The following LZTFL1 variants were observed in gnomAD, a reference collection of about 807,000 sequenced individuals.
LZTFL1 encodes leucine zipper transcription factor-like protein 1.
In LZTFL1, 25 loss-of-function variants were observed where a neutral mutation model predicts 45.9. The observed-to-expected ratio is 0.54, with a 90% CI of 0.40 to 0.76. The LOEUF (loss-of-function observed/expected upper bound fraction) is 0.76, where lower values mean the gene tolerates loss of function less well. Among genes scored for constraint, LZTFL1 ranks in the 30% least tolerant of loss-of-function variants. The probability of loss-of-function intolerance (pLI) is 0.00; values close to 1 mark genes in which losing one functional copy is unlikely to be tolerated. For missense variants in LZTFL1, 277 were observed against 331.1 expected, an observed-to-expected ratio of 0.84 and a Z score of 1.27; for synonymous variants, 93 against 117.4, an observed-to-expected ratio of 0.79 and a Z score of 1.35.
At chr3:45,897,055 C>T (rs921962471) in intron 2 of LZTFL1, among the ~76,000 whole-genome samples, 3 of 152,204 alleles carry the variant, frequency 2.0e-5, no homozygotes, top group Non-Finnish European at 4.4e-5. Context: ...GGGAAGAGGA[C>T]GTGCCTGTGT....
intron 2 of LZTFL1, among the ~76,000 whole-genome samples, chr3:45,877,063 G>A (rs1335537433): frequency 1.3e-5 from 2 of 152,008 alleles, no homozygotes; most frequent in Admixed American, 6.5e-5. Context: ...CATATCAGAG[G>A]AAGAGAAAAG....
upstream of LZTFL1, chr3:45,842,290 G>T: frequency 2.5e-6 from 2 of 786,014 alleles, no homozygotes; most frequent in Non-Finnish European, 1.9e-6. Flanking sequence ...GCTGACTGCA[G>T]TTGCAGAAGG....
At chr3:45,903,833 C>A (rs1444597427) in intron 2 of LZTFL1, among the ~76,000 whole-genome samples, 1 of 152,212 alleles carries the variant, frequency 6.6e-6, no homozygotes, top group Non-Finnish European at 1.5e-5. Context: ...ATAACTTCTC[C>A]AAGGTCACTT....
intron 2 of LZTFL1, among the ~76,000 whole-genome samples, chr3:45,891,174 A>G (rs1702168776): frequency 6.6e-6 from 1 of 152,232 alleles, no homozygotes; most frequent in Admixed American, 6.5e-5. Context: ...AAATTCGGTG[A>G]ATGCCCAGGT....
chr3:45,889,128 G>C lies in LZTFL1; in HGVS notation c.-215+23992C>G, dbSNP rs115527416. Among the ~76,000 whole-genome samples, 817 of 152,278 alleles carry C rather than the reference G, an allele frequency of 5.4e-3. 8 individuals are homozygous for C. Among genetic ancestry groups the C allele is most frequent in the African/African-American group, 0.018 (760 of 41,552 alleles). On this transcript the variant is annotated intron_variant, in intron 2 of 4. Transcript: ENST00000472635. ...AGCCAGCTGAGTAGCTGGGACTACA[G>C]GGTAGGCAACCATGCCTGGCATATT...
chr3:45,895,338 C>T (rs1279865782), intron 2 of LZTFL1, among the ~76,000 whole-genome samples: 1 of 152,204 alleles, frequency 6.6e-6, no homozygotes, highest in East Asian at 1.9e-4. Context: ...AGTTGTATTT[C>T]TTGCATAACA....
intron 4 of LZTFL1, among the ~76,000 whole-genome samples, chr3:45,851,655 C>T (rs1427931165): frequency 6.6e-6 from 1 of 151,974 alleles, no homozygotes; most frequent in Non-Finnish European, 1.5e-5. Flanking sequence ...CTCACCAGAC[C>T]ACTCAATTTT....
At chr3:45,905,931 C>T (rs1279894178) in intron 2 of LZTFL1, among the ~76,000 whole-genome samples, 12 of 152,200 alleles carry the variant, frequency 7.9e-5, no homozygotes, top group Non-Finnish European at 1.8e-4. Flanking sequence ...CTGGTCGACT[C>T]TCCAAAGCCA....
intron 4 of LZTFL1, 67 bp from the exon 5 acceptor site, chr3:45,833,188 T>C (rs1575255343): frequency 2.8e-6 from 3 of 1,084,766 alleles, no homozygotes; most frequent in South Asian, 1.3e-5. Flanking sequence ...CATTGAACAC[T>C]TGCACTTTGC....
upstream of LZTFL1, among the ~76,000 whole-genome samples, chr3:45,844,713 A>G (rs1229662521): frequency 6.6e-6 from 1 of 152,198 alleles, no homozygotes; most frequent in African/African-American, 2.4e-5. Flanking sequence ...AGAAGGGCCC[A>G]GATTACAGGG....
intron 4 of LZTFL1, among the ~76,000 whole-genome samples, chr3:45,847,777 C>G (rs1701240335): frequency 6.6e-6 from 1 of 152,232 alleles, no homozygotes; most frequent in Non-Finnish European, 1.5e-5. Flanking sequence ...TGCATTTGCA[C>G]AAAACATTGG....
intron 2 of LZTFL1, among the ~76,000 whole-genome samples, chr3:45,867,044 C>T (rs998051375): frequency 3.4e-5 from 5 of 145,490 alleles, no homozygotes; most frequent in East Asian, 2.1e-4. Context: ...GCTACTTAGG[C>T]GGCTGAGGCA....
upstream of LZTFL1, among the ~76,000 whole-genome samples, chr3:45,842,578 C>G (rs1467317916): frequency 6.6e-6 from 1 of 152,120 alleles, no homozygotes; most frequent in African/African-American, 2.4e-5. Context: ...TCAAACGACC[C>G]CTCCCCATGA....
Position 45,835,688 on chromosome 3 carries a change from G to A in LZTFL1, c.225C>T (p.Asn75=). Residue 75 remains asparagine, a synonymous_variant, in exon 3 of 10, where the codon AAC becomes AAT. Transcript: ENST00000296135. ...VHSEVESELI[N]TAYTNVLLLR... Reference sequence around the variant, plus strand: ...GAAGTAACACATTGGTATAGGCAGTGTTGATGAGCTCAGATTCCACCTCAC... The same window carrying A: ...GAAGTAACACATTGGTATAGGCAGTATTGATGAGCTCAGATTCCACCTCAC... 4 of 1,614,128 alleles carry A rather than the reference G, an allele frequency of 2.5e-6. No homozygotes were observed. The highest frequency in any genetic ancestry group is 3.4e-6 in the Non-Finnish European group (4 of 1,179,970).
chr3:45,901,315 C>T lies in LZTFL1; in HGVS notation c.-215+11805G>A. 6.2e-7 allele frequency: 1 copy of T among 1,614,170 alleles called. No individual in the cohort carries two copies. Among genetic ancestry groups the T allele is most frequent in the East Asian group, 2.2e-5 (1 of 44,878 alleles). On this transcript the variant is annotated intron_variant, in intron 2 of 4. Coordinates refer to the LZTFL1 transcript ENST00000472635. The surrounding 1 kb of genome is among the most constrained non-coding windows in gnomAD (Gnocchi z 4.3). ...GTTTGCTTTACCATCTGGGTATTGG[C>T]AGCTGCTCTCTGCATCCCAGAAATC...
intron 2 of LZTFL1, among the ~76,000 whole-genome samples, chr3:45,885,593 T>A (rs751153928): frequency 1.3e-5 from 2 of 152,228 alleles, no homozygotes; most frequent in Non-Finnish European, 2.9e-5. Context: ...AGCAGTGCCT[T>A]TCAATAGCAC....
At chr3:45,860,053 T>C (rs1486355074) in intron 2 of LZTFL1, among the ~76,000 whole-genome samples, 2 of 152,078 alleles carry the variant, frequency 1.3e-5, no homozygotes, top group Non-Finnish European at 2.9e-5. Flanking sequence ...ACTGTAACTT[T>C]AAGGGAGAGA....
At chr3:45,877,859 C>A (rs371339323) in intron 2 of LZTFL1, among the ~76,000 whole-genome samples, 3 of 151,748 alleles carry the variant, frequency 2.0e-5, no homozygotes, top group African/African-American at 7.3e-5. Flanking sequence ...AATTCTCTCA[C>A]CTCAGCCTCC....
chr3:45,830,611 C>T (rs960778855), intron 7 of LZTFL1, among the ~76,000 whole-genome samples: 20 of 151,972 alleles, frequency 1.3e-4, no homozygotes, highest in African/African-American at 4.6e-4. Flanking sequence ...GAATATCTTG[C>T]ATACCAGGAA....
Sources: gnomAD v4.1 joint callset for allele counts (sites outside exome capture counted in the v4.1 genomes callset) on GRCh38, gnomAD v4.1.1 for gene constraint, Gnocchi (gnomAD v3.1) non-coding constraint, MANE v1.5 for transcripts, NCBI Gene and HGNC (gene_info 2026-07-23, HGNC 2026-07-21) for gene names.